Variants in SGCZ observed in about 807,000 individuals in gnomAD.
SGCZ encodes sarcoglycan zeta.
A neutral mutation model predicts 41.3 loss-of-function variants in SGCZ; 40 were observed. The observed-to-expected ratio is 0.97, with a 90% CI of 0.75 to 1.26. The LOEUF is 1.26. Ranked by LOEUF, SGCZ falls within the 50% of genes most tolerant of loss-of-function variation. The pLI is 0.00. For missense variants in SGCZ, 552 were observed against 369.8 expected, an observed-to-expected ratio of 1.49 and a Z score of -4.04; for synonymous variants, 206 against 137.5, an observed-to-expected ratio of 1.50 and a Z score of -3.49.
chr8:14,896,153 T>C (rs1356528691), intron 1 of SGCZ, among the ~76,000 whole-genome samples: 1 of 152,220 alleles, frequency 6.6e-6, no homozygotes, highest in Non-Finnish European at 1.5e-5. Context: ...GTGAGTTACA[T>C]TTTTGTCTTA....
chr8:14,823,364 G>T (rs1367029814), intron 1 of SGCZ, among the ~76,000 whole-genome samples: 1 of 151,876 alleles, frequency 6.6e-6, no homozygotes, highest in African/African-American at 2.4e-5. Flanking sequence ...AATATGTAAA[G>T]AATTGAAACA....
intron 1 of SGCZ, among the ~76,000 whole-genome samples, chr8:15,236,573 G>A (rs1802129248): frequency 6.6e-6 from 1 of 152,110 alleles, no homozygotes; most frequent in South Asian, 2.1e-4. Context: ...TTCCAGTGTC[G>A]CCCCCTTTCC....
intron 1 of SGCZ, among the ~76,000 whole-genome samples, chr8:14,922,017 T>C (rs868252398): frequency 6.6e-6 from 1 of 152,166 alleles, no homozygotes; most frequent in African/African-American, 2.4e-5. Flanking sequence ...TTTATTTATG[T>C]GAATACCCTT....
chr8:14,136,891 T>C (rs1824730), intron 5 of SGCZ, among the ~76,000 whole-genome samples: 137,949 of 152,182 alleles, frequency 0.91, 64,099 homozygotes, highest in East Asian at 1. Flanking sequence ...TGGGAAACAC[T>C]TCCCAGAAGG....
At chr8:14,818,301 A>G (rs1441974937) in intron 1 of SGCZ, among the ~76,000 whole-genome samples, 2 of 152,144 alleles carry the variant, frequency 1.3e-5, no homozygotes, top group Non-Finnish European at 2.9e-5. Context: ...TCTCACCCCA[A>G]GCAATACTGT....
At chr8:15,137,621 C>G (rs1488138905) in intron 1 of SGCZ, among the ~76,000 whole-genome samples, 1 of 151,732 alleles carries the variant, frequency 6.6e-6, no homozygotes, top group Non-Finnish European at 1.5e-5. Context: ...AGGTACAGCT[C>G]AGTCCATGAC....
At chr8:14,228,282 GTT>G (rs1806443045) in intron 4 of SGCZ, among the ~76,000 whole-genome samples, 1 of 151,954 alleles carries the variant, frequency 6.6e-6, no homozygotes, top group South Asian at 2.1e-4. Context: ...ACAATACTTG[GTT>G]AAGTATATAA....
intron 1 of SGCZ, among the ~76,000 whole-genome samples, chr8:14,617,524 G>A (rs1019038983): frequency 9.2e-5 from 14 of 152,006 alleles, no homozygotes; most frequent in African/African-American, 2.7e-4. Flanking sequence ...TTATAATGCC[G>A]TCTTCAGAAA....
At chr8:14,612,094 T>G (rs185815672) in intron 1 of SGCZ, among the ~76,000 whole-genome samples, 17 of 152,356 alleles carry the variant, frequency 1.1e-4, no homozygotes, top group African/African-American at 3.8e-4. Flanking sequence ...TGAAAACGTA[T>G]GTCTTTCTAT....
intron 5 of SGCZ, among the ~76,000 whole-genome samples, chr8:14,144,998 AC>A (rs1181653232): frequency 5.3e-5 from 8 of 151,936 alleles, no homozygotes; most frequent in African/African-American, 1.9e-4. Flanking sequence ...AAGGTTTTTA[AC>A]TCTAGTCCTA....
intron 1 of SGCZ, among the ~76,000 whole-genome samples, chr8:14,871,393 C>T (rs1804144866): frequency 6.6e-6 from 1 of 152,034 alleles, no homozygotes. Context: ...GCGTATATAC[C>T]CAAAGGATCA....
chr8:14,758,293 TG>T (rs755128066), intron 1 of SGCZ, among the ~76,000 whole-genome samples: 5 of 152,216 alleles, frequency 3.3e-5, no homozygotes, highest in Admixed American at 6.5e-5. Flanking sequence ...GTGACAGGCA[TG>T]GTGCTTTATC....
intron 1 of SGCZ, among the ~76,000 whole-genome samples, chr8:14,783,779 AG>A (rs1455641638): frequency 6.6e-6 from 1 of 152,134 alleles, no homozygotes; most frequent in Non-Finnish European, 1.5e-5. Flanking sequence ...GCAATCTGAA[AG>A]TTTTTTTAAT....
At chr8:14,957,882 C>T (rs1800842103) in intron 1 of SGCZ, among the ~76,000 whole-genome samples, 1 of 151,926 alleles carries the variant, frequency 6.6e-6, no homozygotes, top group South Asian at 2.1e-4. Context: ...AGTAAATGTT[C>T]ATTCATTTAC....
At chr8:14,976,176 C>A (rs1404629733) in intron 1 of SGCZ, among the ~76,000 whole-genome samples, 1 of 151,834 alleles carries the variant, frequency 6.6e-6, no homozygotes, top group Non-Finnish European at 1.5e-5. Flanking sequence ...CGCTCACCAC[C>A]ACACCCGGCT....
intron 1 of SGCZ, among the ~76,000 whole-genome samples, chr8:14,900,865 A>G (rs61517315): frequency 0.03 from 4,513 of 152,296 alleles, 223 homozygotes; most frequent in African/African-American, 0.1. Flanking sequence ...TACTATAGAA[A>G]TGTTGAAAAT....
intron 2 of SGCZ, among the ~76,000 whole-genome samples, chr8:14,344,373 A>G (rs570519179): frequency 6.6e-6 from 1 of 152,248 alleles, no homozygotes; most frequent in African/African-American, 2.4e-5. Context: ...ACAGTGTGGT[A>G]AGGCTAATGC....
chr8:14,330,588 T>TTTTAAATTTAAATTTAAAATGACTG (rs1180054788), intron 2 of SGCZ, among the ~76,000 whole-genome samples: 12 of 151,972 alleles, frequency 7.9e-5, no homozygotes, highest in African/African-American at 1.4e-4. Context: ...ACTGTTTAAA[T>TTTTAAATTTAAATTTAAAATGACTG]TTTAAATTTA....
intron 1 of SGCZ, among the ~76,000 whole-genome samples, chr8:15,161,510 T>A (rs1285252999): frequency 1.3e-5 from 2 of 152,174 alleles, no homozygotes; most frequent in Non-Finnish European, 2.9e-5. Flanking sequence ...TACTTCTGTA[T>A]CCTCAGCAGT....
Sources: gnomAD v4.1 joint callset for allele counts (sites outside exome capture counted in the v4.1 genomes callset) on GRCh38, gnomAD v4.1.1 for gene constraint, MANE v1.5 for transcripts, NCBI Gene and HGNC (gene_info 2026-07-23, HGNC 2026-07-21) for gene names.